The following CHODL variants were observed in gnomAD, a reference collection of about 807,000 sequenced individuals.
CHODL encodes the protein transmembrane protein MT75.
A neutral mutation model predicts 34.5 loss-of-function variants in CHODL; 29 were observed. The observed-to-expected ratio is 0.84, with a 90% CI of 0.63 to 1.15. The LOEUF (loss-of-function observed/expected upper bound fraction) is 1.15, where lower values mean the gene tolerates loss of function less well. CHODL is among the 50% of genes most tolerant of loss of function. CHODL has a pLI of 0.00. For synonymous variants in CHODL, 125 were observed against 116.1 expected (o/e 1.08, Z -0.49); for missense variants, 332 against 332.5 (o/e 1.00, Z 0.01).
intron 1 of CHODL, among the ~76,000 whole-genome samples, chr21:17,970,169 C>T (rs1052615621): frequency 6.6e-6 from 1 of 151,904 alleles, no homozygotes; most frequent in African/African-American, 2.4e-5. Context: ...TGGTGGACTT[C>T]CTGAAGAATA....
chr21:17,924,014 T>A (rs1202653804), intron 1 of CHODL, among the ~76,000 whole-genome samples: 1 of 152,198 alleles, frequency 6.6e-6, no homozygotes. Context: ...GAGAAGGATG[T>A]TGAGGAACGT....
intron 1 of CHODL, among the ~76,000 whole-genome samples, chr21:17,994,447 G>C (rs1340599633): frequency 1.3e-5 from 2 of 152,190 alleles, no homozygotes; most frequent in Non-Finnish European, 2.9e-5. Flanking sequence ...CAGGCACTTG[G>C]GTGGGTCATG....
chr21:18,007,917 G>C (rs950172361), intron 1 of CHODL, among the ~76,000 whole-genome samples: 1 of 151,984 alleles, frequency 6.6e-6, no homozygotes, highest in African/African-American at 2.4e-5. Flanking sequence ...GTTGAAAACT[G>C]AGTGAGAAAA....
intron 2 of CHODL, among the ~76,000 whole-genome samples, chr21:18,131,836 T>A (rs1159167549): frequency 6.6e-6 from 1 of 152,158 alleles, no homozygotes; most frequent in Non-Finnish European, 1.5e-5. Context: ...CTTCTTTTTT[T>A]AAACCTTTTT....
At chr21:18,077,289 A>G (rs2064877945) in intron 2 of CHODL, among the ~76,000 whole-genome samples, 1 of 152,152 alleles carries the variant, frequency 6.6e-6, no homozygotes, top group Non-Finnish European at 1.5e-5. Context: ...TTGCAGGTGA[A>G]TGGGAATTTG....
At chr21:18,253,687 T>C (rs750565552) in intron 1 of CHODL, among the ~76,000 whole-genome samples, 1 of 152,126 alleles carries the variant, frequency 6.6e-6, no homozygotes, top group Non-Finnish European at 1.5e-5. Context: ...GGGCTTTCTG[T>C]TAATTTGGGA....
chr21:18,207,170 T>A (rs1233818110), intron 2 of CHODL, among the ~76,000 whole-genome samples: 1 of 152,160 alleles, frequency 6.6e-6, no homozygotes, highest in Admixed American at 6.5e-5. Flanking sequence ...TTGCTGAGAA[T>A]GATGGTTTCC....
intron 2 of CHODL, among the ~76,000 whole-genome samples, chr21:18,058,790 A>G (rs1213947027): frequency 6.6e-6 from 1 of 152,098 alleles, no homozygotes; most frequent in Non-Finnish European, 1.5e-5. Context: ...GGTTTTCATT[A>G]TACCTGCTAT....
intron 1 of CHODL, among the ~76,000 whole-genome samples, chr21:17,959,025 C>T (rs1305659872): frequency 6.6e-6 from 1 of 151,986 alleles, no homozygotes; most frequent in Admixed American, 6.6e-5. Flanking sequence ...CAAAACTACA[C>T]AAGTTCCTTC....
rs575619271 is a variant in CHODL, at chr21:18,107,000, G to A, written c.-45+79029G>A. On this transcript the variant is annotated intron_variant, in intron 2 of 6. Coordinates refer to the CHODL transcript ENST00000400127. The stretch of plus-strand genomic sequence containing the variant: ...CTGTCCTTTTATTTCCTGCCCTAGA[G>A]AGCCATAACTATTATGATAAGAAGG... Among the ~76,000 whole-genome samples the A allele has an allele frequency of 9.2e-5, 14 of 152,250 alleles. No homozygotes were observed. In the South Asian group the frequency reaches 2.7e-3, roughly 29 times the overall value.
At chr21:18,150,524 T>C (rs1239086066) in intron 2 of CHODL, among the ~76,000 whole-genome samples, 1 of 152,130 alleles carries the variant, frequency 6.6e-6, no homozygotes, top group African/African-American at 2.4e-5. Flanking sequence ...CTGATGGGCC[T>C]TTTCCGGGTT....
chr21:18,102,098 C>G lies in CHODL; in HGVS notation c.-45+74127C>G, dbSNP rs77192107. ...GTAAGCTCAGAATCATAAGAAACAG[C>G]TTCTTTGTAACTTGCATTTTATAGC... On this transcript the variant is annotated intron_variant, in intron 2 of 6. Transcript: ENST00000400127. Among the ~76,000 whole-genome samples, 1,501 of 152,218 alleles carry G rather than the reference C, an allele frequency of 9.9e-3. 8 individuals carry two copies. The highest frequency in any genetic ancestry group is 0.015 in the Non-Finnish European group (988 of 68,000).
chr21:17,974,426 C>G (rs182492795), intron 1 of CHODL, among the ~76,000 whole-genome samples: 1 of 152,114 alleles, frequency 6.6e-6, no homozygotes, highest in African/African-American at 2.4e-5. Context: ...GCTCGTGCCA[C>G]CACATGCTGC....
At chr21:18,044,239 A>G (rs1430552222) in intron 2 of CHODL, among the ~76,000 whole-genome samples, 1 of 152,034 alleles carries the variant, frequency 6.6e-6, no homozygotes, top group Non-Finnish European at 1.5e-5. Context: ...TGTATGAGCT[A>G]CAAAATGTGA....
At chr21:18,215,759 A>G (rs2073821423) in intron 2 of CHODL, among the ~76,000 whole-genome samples, 1 of 152,128 alleles carries the variant, frequency 6.6e-6, no homozygotes, top group Non-Finnish European at 1.5e-5. Context: ...TTGGAGCCCT[A>G]ACTATTATGA....
intron 1 of CHODL, among the ~76,000 whole-genome samples, chr21:18,254,209 T>C (rs1301590038): frequency 2.0e-5 from 3 of 151,484 alleles, no homozygotes; most frequent in Admixed American, 6.6e-5. Flanking sequence ...ACAACTTTTA[T>C]TGATAGGCTA....
At chr21:18,102,837 A>G (rs900514740) in intron 2 of CHODL, among the ~76,000 whole-genome samples, 2 of 152,196 alleles carry the variant, frequency 1.3e-5, no homozygotes, top group African/African-American at 2.4e-5. Flanking sequence ...AAACTTTAGA[A>G]AAATGGGATG....
At chr21:18,031,204 C>T (rs1420243370) in intron 2 of CHODL, among the ~76,000 whole-genome samples, 2 of 152,106 alleles carry the variant, frequency 1.3e-5, no homozygotes, top group African/African-American at 4.8e-5. Context: ...CTCATGGCAA[C>T]CAATGCAGAC....
At chr21:18,196,343 T>A (rs570686959) in intron 2 of CHODL, among the ~76,000 whole-genome samples, 6 of 152,328 alleles carry the variant, frequency 3.9e-5, no homozygotes, top group Admixed American at 1.3e-4. Flanking sequence ...AGTGAAGAGA[T>A]AATAATGTTT....
Sources: allele counts gnomAD v4.1 joint callset (sites outside exome capture counted in the v4.1 genomes callset), GRCh38; gene constraint gnomAD v4.1.1; transcripts MANE v1.5; gene names NCBI Gene and HGNC (gene_info 2026-07-23, HGNC 2026-07-21).